Variants in FRS2 observed in about 807,000 individuals in gnomAD.
The protein encoded by FRS2 is fibroblast growth factor receptor substrate 2, also known as FGFR signalling adaptor.
A neutral mutation model predicts 43.9 loss-of-function variants in FRS2; 8 were observed. That is an observed-to-expected ratio of 0.18 (90% CI 0.11 to 0.33). The LOEUF (loss-of-function observed/expected upper bound fraction) is 0.33, where lower values mean the gene tolerates loss of function less well. Among genes scored for constraint, FRS2 ranks in the 10% least tolerant of loss-of-function variants. The probability of loss-of-function intolerance (pLI) is 1.00; values close to 1 mark genes in which losing one functional copy is unlikely to be tolerated. For synonymous variants in FRS2, 219 were observed against 220.3 expected, an observed-to-expected ratio of 0.99 and a Z score of 0.05; for missense variants, 534 against 627.6, an observed-to-expected ratio of 0.85 and a Z score of 1.59.
intron 3 of FRS2, among the ~76,000 whole-genome samples, chr12:69,546,190 A>G (rs548185516): frequency 1.3e-5 from 2 of 152,352 alleles, no homozygotes; most frequent in South Asian, 4.1e-4. Context: ...AAGATGTTTA[A>G]CATCACCAAT....
At chr12:69,496,394 G>A (rs754718179) in intron 1 of FRS2, among the ~76,000 whole-genome samples, 9 of 151,796 alleles carry the variant, frequency 5.9e-5, no homozygotes, top group Non-Finnish European at 1.0e-4. Context: ...CCGAGATCGC[G>A]CCACTGCACC....
At chr12:69,474,379 A>T (rs1763268717) in intron 1 of FRS2, among the ~76,000 whole-genome samples, 2 of 152,106 alleles carry the variant, frequency 1.3e-5, no homozygotes, top group Admixed American at 6.5e-5. Context: ...TACTGGTTGA[A>T]TCTGTGTAAG....
chr12:69,525,948 C>A (rs560502540), intron 1 of FRS2, among the ~76,000 whole-genome samples: 1 of 152,064 alleles, frequency 6.6e-6, no homozygotes, highest in South Asian at 2.1e-4. Flanking sequence ...TTCCTTCCGC[C>A]CCCTGGGTTC....
chr12:69,574,113 AAAG>A lies in FRS2; in HGVS notation c.691_693del (p.Glu231del). On this transcript the variant is annotated inframe_deletion, in exon 9 of 9. Transcript: ENST00000549921. ...TTCTAACGCTGAAAGCAGCACACCA[AAAG>A]AAGAACCAAGTAGTATTGAGGACAG... 1 of 1,614,176 alleles carries A rather than the reference AAAG, an allele frequency of 6.2e-7. No homozygotes were observed. The highest frequency in any genetic ancestry group is 8.5e-7 in the Non-Finnish European group (1 of 1,179,954).
At chr12:69,541,226 A>G (rs1172517004) in intron 3 of FRS2, among the ~76,000 whole-genome samples, 2 of 152,328 alleles carry the variant, frequency 1.3e-5, no homozygotes, top group East Asian at 1.9e-4. Context: ...AAAGGAGGAT[A>G]TCAGATAACC....
intron 1 of FRS2, among the ~76,000 whole-genome samples, chr12:69,498,605 A>G (rs961357309): frequency 6.8e-6 from 1 of 146,370 alleles, no homozygotes; most frequent in Admixed American, 6.9e-5. Flanking sequence ...TTGTTAGTGT[A>G]TTTTATGTGT....
intron 3 of FRS2, among the ~76,000 whole-genome samples, chr12:69,555,467 C>T (rs987667336): frequency 6.6e-6 from 1 of 152,186 alleles, no homozygotes; most frequent in Non-Finnish European, 1.5e-5. Flanking sequence ...TGCTCGGATG[C>T]AAACTTTTCT....
chr12:69,476,481 A>T (rs1449372756), intron 1 of FRS2, among the ~76,000 whole-genome samples: 1 of 152,196 alleles, frequency 6.6e-6, no homozygotes, highest in East Asian at 1.9e-4. Context: ...TTTCCATTTC[A>T]CTTCTTCTGC....
intron 4 of FRS2, among the ~76,000 whole-genome samples, chr12:69,568,165 G>A (rs1343506274): frequency 1.3e-5 from 2 of 152,066 alleles, no homozygotes; most frequent in African/African-American, 4.8e-5. Flanking sequence ...ACCTTCTATG[G>A]GAAAGGAGTA....
At chr12:69,485,101 A>ACGCG (rs1555183202) in intron 1 of FRS2, among the ~76,000 whole-genome samples, 7 of 143,476 alleles carry the variant, frequency 4.9e-5, no homozygotes, top group East Asian at 2.0e-4. Context: ...ACACACACAC[A>ACGCG]CACACACACA....
At chr12:69,505,063 T>G (rs764477010) in intron 1 of FRS2, among the ~76,000 whole-genome samples, 1 of 152,220 alleles carries the variant, frequency 6.6e-6, no homozygotes, top group Non-Finnish European at 1.5e-5. Context: ...CTCAGTATAT[T>G]GCTTTGGCTG....
intron 1 of FRS2, among the ~76,000 whole-genome samples, chr12:69,479,482 C>CT (rs1871174207): frequency 6.7e-6 from 1 of 149,978 alleles, no homozygotes; most frequent in South Asian, 2.1e-4. Flanking sequence ...ACTGCAGCCT[C>CT]TGCCTCCTGG....
intron 3 of FRS2, among the ~76,000 whole-genome samples, chr12:69,559,465 TAAAG>T (rs1367406439): frequency 2.0e-5 from 3 of 152,194 alleles, no homozygotes; most frequent in East Asian, 1.9e-4. Flanking sequence ...AAAAAAAAAC[TAAAG>T]AAAGATCTGT....
intron 1 of FRS2, among the ~76,000 whole-genome samples, chr12:69,476,853 C>T (rs1003634895): frequency 4.0e-5 from 6 of 151,888 alleles, no homozygotes; most frequent in African/African-American, 2.4e-5. Flanking sequence ...TTTTTGGTTG[C>T]GTAATTTTAA....
chr12:69,512,295 T>A (rs887526036), intron 1 of FRS2, among the ~76,000 whole-genome samples: 1 of 152,206 alleles, frequency 6.6e-6, no homozygotes, highest in Non-Finnish European at 1.5e-5. Context: ...TTACTCTTTA[T>A]AACAGGGTAG....
chr12:69,553,415 C>A (rs147878281), intron 3 of FRS2, among the ~76,000 whole-genome samples: 1 of 152,134 alleles, frequency 6.6e-6, no homozygotes, highest in African/African-American at 2.4e-5. Flanking sequence ...ATGTCAGTTA[C>A]GCTGATTACA....
intron 3 of FRS2, among the ~76,000 whole-genome samples, chr12:69,551,057 AAAG>A (rs1878826971): frequency 6.6e-6 from 1 of 152,194 alleles, no homozygotes; most frequent in Non-Finnish European, 1.5e-5. Context: ...AAAAAAGAAA[AAAG>A]AAAGGAAGAA....
In FRS2 at chr12:69,525,515, T is replaced by C. The variant is rs893615182; in HGVS notation, c.-260-5350T>C. Among the ~76,000 whole-genome samples, 19 of 152,238 alleles carry C rather than the reference T, an allele frequency of 1.2e-4. 1 individual carries two copies. On this transcript the variant is annotated intron_variant, in intron 1 of 8. Transcript: ENST00000549921. Reference sequence around the variant, plus strand: ...ACCATGCAGACCTTCCCATTATCTTTATATGTTCCTAATTCTAGGTCTGCA... The same window carrying C: ...ACCATGCAGACCTTCCCATTATCTTCATATGTTCCTAATTCTAGGTCTGCA...
chr12:69,471,660 G>C (rs1017282151), intron 1 of FRS2, among the ~76,000 whole-genome samples: 6 of 152,352 alleles, frequency 3.9e-5, no homozygotes, highest in Admixed American at 2.0e-4. Flanking sequence ...TGAAAGGTTT[G>C]TAGGAAATAT....
Sources: allele counts gnomAD v4.1 joint callset (sites outside exome capture counted in the v4.1 genomes callset), GRCh38; gene constraint gnomAD v4.1.1; transcripts MANE v1.5; gene names NCBI Gene and HGNC (gene_info 2026-07-23, HGNC 2026-07-21).